The following LIN7A variants were observed in gnomAD, a reference collection of about 807,000 sequenced individuals.
LIN7A encodes the protein protein lin-7 homolog A.
LIN7A carries 25 observed loss-of-function variants against 29.8 expected under a neutral mutation model. The observed-to-expected ratio is 0.84, with a 90% CI of 0.61 to 1.17. The LOEUF is 1.17. LIN7A is among the 50% of genes most tolerant of loss of function. LIN7A has a pLI of 0.00. For missense variants in LIN7A, 239 were observed against 287.0 expected (o/e 0.83, Z 1.21); for synonymous variants, 118 against 107.5 (o/e 1.10, Z -0.60).
chr12:80,818,146 TTTTG>T (rs767165513), intron 4 of LIN7A, among the ~76,000 whole-genome samples: 6 of 152,248 alleles, frequency 3.9e-5, no homozygotes, highest in Admixed American at 1.3e-4. Flanking sequence ...CATGAAGTTC[TTTTG>T]TTTGTTTGTT....
At chr12:80,824,766 CATG>C (rs1331311361) in intron 4 of LIN7A, among the ~76,000 whole-genome samples, 2 of 152,192 alleles carry the variant, frequency 1.3e-5, no homozygotes, top group Non-Finnish European at 2.9e-5. Flanking sequence ...ACGAAAATCA[CATG>C]ATCATCTCAA....
intron 1 of LIN7A, among the ~76,000 whole-genome samples, chr12:80,890,613 T>G (rs1875572328): frequency 6.6e-6 from 1 of 152,166 alleles, no homozygotes; most frequent in African/African-American, 2.4e-5. Context: ...GTGACTTTGA[T>G]GGGGACTGTC....
chr12:80,896,073 A>G (rs973911832), intron 1 of LIN7A, among the ~76,000 whole-genome samples: 1 of 152,198 alleles, frequency 6.6e-6, no homozygotes, highest in African/African-American at 2.4e-5. Context: ...GAGACACTGG[A>G]ATAACCTATA....
At chr12:80,866,023 G>T (rs369514266) in intron 2 of LIN7A, among the ~76,000 whole-genome samples, 96 of 152,224 alleles carry the variant, frequency 6.3e-4, no homozygotes, top group African/African-American at 2.2e-3. Context: ...TTTTAAAAAG[G>T]GTGTGCATGT....
intron 1 of LIN7A, among the ~76,000 whole-genome samples, chr12:80,915,569 A>G (rs758787128): frequency 5.9e-5 from 9 of 152,114 alleles, no homozygotes; most frequent in Non-Finnish European, 1.0e-4. Flanking sequence ...AGACACATGA[A>G]CTCTTATGTT....
rs146450413 is a variant in LIN7A at position 80,802,861 on chromosome 12, G to A, written c.*1-5135C>T. On this transcript the variant is annotated intron_variant, in intron 5 of 5. Coordinates refer to ENST00000552864, the MANE Select transcript of LIN7A (RefSeq NM_004664.4). The stretch of plus-strand genomic sequence containing the variant: ...AGGTGTGAGGTGAAACCTCACTGTG[G>A]TTTTAATTTGCATTACCCTGATTAT... 3.5e-3 allele frequency among the ~76,000 whole-genome samples: 534 copies of A among 151,992 alleles called. 1 individual carries two copies. Among genetic ancestry groups the A allele is most frequent in the African/African-American group, 0.012 (516 of 41,440 alleles).
chr12:80,793,642 T>C lies in LIN7A; in HGVS notation c.*4085A>G, dbSNP rs562194968. Reference sequence around the variant, plus strand: ...AGTATTTGTTAAATGAATAAACACATGGAAACATCTGAGTAAGTATGTGAT... The same window carrying C: ...AGTATTTGTTAAATGAATAAACACACGGAAACATCTGAGTAAGTATGTGAT... On this transcript the variant is annotated 3_prime_UTR_variant, in exon 6 of 6. Coordinates refer to ENST00000552864, the MANE Select transcript of LIN7A (RefSeq NM_004664.4). 1 of 152,138 alleles carries C rather than the reference T, an allele frequency of 6.6e-6. No individual in the cohort carries two copies. The highest frequency in any genetic ancestry group is 1.5e-5 in the Non-Finnish European group (1 of 68,002). The allele number at this position is 152,138 out of a possible 1,614,324, so 9.4% of individuals were successfully genotyped here.
chr12:80,880,829 T>A (rs1391069286), intron 2 of LIN7A, among the ~76,000 whole-genome samples: 1 of 148,362 alleles, frequency 6.7e-6, no homozygotes, highest in Non-Finnish European at 1.5e-5. Flanking sequence ...GAGATAAAAA[T>A]CAGAGTTTTA....
intron 2 of LIN7A, among the ~76,000 whole-genome samples, chr12:80,882,386 G>A (rs1178774): frequency 0.66 from 87,206 of 132,910 alleles, 32,389 homozygotes; most frequent in Non-Finnish European, 0.86. Context: ...CCGGGTTCAC[G>A]CCATTCTCCT....
chr12:80,879,960 A>G (rs903705171), intron 2 of LIN7A, among the ~76,000 whole-genome samples: 16 of 152,180 alleles, frequency 1.1e-4, no homozygotes, highest in East Asian at 3.8e-4. Context: ...AGTGTCAACA[A>G]TGCAGCCTTA....
At chr12:80,873,307 G>A (rs926996806) in intron 2 of LIN7A, among the ~76,000 whole-genome samples, 2 of 152,014 alleles carry the variant, frequency 1.3e-5, no homozygotes, top group African/African-American at 4.8e-5. Context: ...AGCCGGGTGG[G>A]TCACTTGAGC....
intron 1 of LIN7A, among the ~76,000 whole-genome samples, chr12:80,932,423 A>G (rs1565935006): frequency 6.6e-6 from 1 of 152,246 alleles, no homozygotes; most frequent in East Asian, 1.9e-4. Context: ...AGAAGCCAAG[A>G]AATAAAGATT....
chr12:80,823,018 C>T (rs997467334), intron 4 of LIN7A, among the ~76,000 whole-genome samples: 7 of 152,336 alleles, frequency 4.6e-5, no homozygotes, highest in Non-Finnish European at 1.0e-4. Context: ...ACCCCAGATT[C>T]AGCCAGACTC....
At chr12:80,818,457 C>T (rs1871639036) in intron 4 of LIN7A, among the ~76,000 whole-genome samples, 1 of 152,192 alleles carries the variant, frequency 6.6e-6, no homozygotes, top group Non-Finnish European at 1.5e-5. Context: ...TGTCCTAGGT[C>T]ACCAGCTAGT....
At chr12:80,799,636 A>G (rs1870619918) in intron 5 of LIN7A, among the ~76,000 whole-genome samples, 1 of 152,204 alleles carries the variant, frequency 6.6e-6, no homozygotes, top group Non-Finnish European at 1.5e-5. Flanking sequence ...AAATGTTTTG[A>G]TAAGTTGTGG....
At chr12:80,864,970 C>A (rs1036481746) in intron 2 of LIN7A, among the ~76,000 whole-genome samples, 1 of 152,146 alleles carries the variant, frequency 6.6e-6, no homozygotes, top group African/African-American at 2.4e-5. Context: ...AGTACTTACC[C>A]TCAATCTGGT....
At chr12:80,859,452 G>A (rs1416170652) in intron 2 of LIN7A, among the ~76,000 whole-genome samples, 3 of 152,092 alleles carry the variant, frequency 2.0e-5, no homozygotes, top group South Asian at 2.1e-4. Flanking sequence ...GAAAATGTAC[G>A]CTATAAAATA....
chr12:80,830,469 G>C (rs1259772367), intron 4 of LIN7A, among the ~76,000 whole-genome samples: 1 of 152,144 alleles, frequency 6.6e-6, no homozygotes, highest in African/African-American at 2.4e-5. Flanking sequence ...GCTTGGCTTA[G>C]AAGCCCTGGA....
chr12:80,864,483 T>C (rs773527522), intron 2 of LIN7A, among the ~76,000 whole-genome samples: 1 of 152,192 alleles, frequency 6.6e-6, no homozygotes, highest in Non-Finnish European at 1.5e-5. Context: ...GAAGTAGACA[T>C]GTGTTTTCAT....
Sources: allele counts gnomAD v4.1 joint callset (sites outside exome capture counted in the v4.1 genomes callset), GRCh38; gene constraint gnomAD v4.1.1; transcripts MANE v1.5; gene names NCBI Gene and HGNC (gene_info 2026-07-23, HGNC 2026-07-21).